The following NLRP5 variants were observed in gnomAD, a reference collection of about 807,000 sequenced individuals.
The protein encoded by NLRP5 is NLR family pyrin domain containing 5, also known as NACHT, LRR and PYD domains-containing protein 5.
In NLRP5, 93 loss-of-function variants were observed where a neutral mutation model predicts 113.1. That is an observed-to-expected ratio of 0.82 (90% CI 0.70 to 0.98). The LOEUF (loss-of-function observed/expected upper bound fraction) is 0.98. Among genes scored for constraint, NLRP5 ranks in the 50% least tolerant of loss-of-function variants. The pLI is 0.00. For synonymous variants in NLRP5, 751 were observed against 600.7 expected (o/e 1.25, Z -3.66); for missense variants, 1,808 against 1,514.3 (o/e 1.19, Z -3.22).
chr19:56,048,182 T>C (rs1363058769), intron 11 of NLRP5, among the ~76,000 whole-genome samples: 1 of 152,208 alleles, frequency 6.6e-6, no homozygotes, highest in East Asian at 1.9e-4. Context: ...TCTGTATCTT[T>C]TAAGTGGAGC....
chr19:56,025,105 G>A lies in NLRP5; in HGVS notation c.680-1808G>A, dbSNP rs375003506. Among the ~76,000 whole-genome samples the A allele has an allele frequency of 1.5e-4, 23 of 152,158 alleles. 1 individual carries two copies. Among genetic ancestry groups the A allele is most frequent in the African/African-American group, 3.9e-4 (16 of 41,512 alleles). On this transcript the variant is annotated intron_variant, in intron 6 of 14. Transcript: ENST00000390649. ...TCAGTGTCTCCATCACCCCCAGATG[G>A]GACCATCTAGTTGTAGGAAAACAAG... is the stretch of plus-strand genomic sequence containing the variant.
rs1330249112 is a variant in NLRP5, at chr19:56,004,167, A to G, written c.442+72A>G. ...TCAGGTTCTCATGGGAACAGGGAAG[A>G]ATCGTTGTTCAGTAACCGGCTCCAC... On this transcript the variant is annotated intron_variant, in intron 2 of 14. Transcript: ENST00000390649. 3.4e-6 allele frequency: 5 copies of G among 1,482,904 alleles called. No homozygotes were observed. In the Admixed American group the frequency reaches 1.1e-4, roughly 32 times the overall value. 91.9% of individuals were successfully genotyped at this position (1,482,904 alleles called of 1,614,324 possible). A position where few individuals can be genotyped will look rare whatever the true frequency, so the allele number is the denominator to read the frequency against.
At chr19:56,008,725 C>T (rs12460573) in intron 2 of NLRP5, 63 bp from the exon 3 acceptor site, 504,959 of 1,425,200 alleles carry the variant, frequency 0.35, 91,455 homozygotes, top group Admixed American at 0.38. Context: ...ACATTCTTAT[C>T]CTTGGCTTGG....
the NLRP5 span, among the ~76,000 whole-genome samples, chr19:55,989,839 C>T: frequency 0.51 from 77,268 of 151,646 alleles, 20,157 homozygotes; most frequent in African/African-American, 0.63. Context: ...GGTCTAATTG[C>T]ATTTAAAACG....
the NLRP5 span, among the ~76,000 whole-genome samples, chr19:55,992,503 A>AT: frequency 1.3e-5 from 2 of 152,090 alleles, no homozygotes; most frequent in Non-Finnish European, 2.9e-5. Flanking sequence ...TAAGCTTTCC[A>AT]TTTTTTCCTG....
At chr19:56,042,239 G>C (rs939401121) in intron 11 of NLRP5, among the ~76,000 whole-genome samples, 1 of 152,146 alleles carries the variant, frequency 6.6e-6, no homozygotes, top group East Asian at 1.9e-4. Context: ...CAATTGTGTT[G>C]ATTACTACTG....
At chr19:56,053,847 A>G (rs1181071393) in intron 13 of NLRP5, 39 bp downstream of exon 13, 3 of 1,597,400 alleles carry the variant, frequency 1.9e-6, no homozygotes, top group Non-Finnish European at 1.7e-6. Context: ...CCGGGCTGGG[A>G]GGAGGTGGGG....
rs1032693336 is a variant in NLRP5, at chr19:56,061,661, A to C, written c.*133A>C. On this transcript the variant is annotated 3_prime_UTR_variant, in exon 15 of 15. Transcript: ENST00000390649. ...GATTTCTGATTCTCACAAAGCCCTC[A>C]ATGGTAGTGATTCTTCTGTGTTCAC... 3.0e-6 allele frequency: 3 copies of C among 1,007,340 alleles called. No homozygotes were observed. The highest frequency in any genetic ancestry group is 4.5e-6 in the Non-Finnish European group (3 of 664,566). 62.4% of individuals were successfully genotyped at this position (1,007,340 alleles called of 1,614,324 possible). A position where few individuals can be genotyped will look rare whatever the true frequency, so the allele number is the denominator to read the frequency against.
chr19:56,052,350 C>A (rs1983963825), intron 12 of NLRP5, among the ~76,000 whole-genome samples: 1 of 152,112 alleles, frequency 6.6e-6, no homozygotes, highest in Non-Finnish European at 1.5e-5. Flanking sequence ...TTCCCTGCAA[C>A]CTCCACCTCC....
At chr19:56,035,197 C>A (rs1249641698) in intron 9 of NLRP5, among the ~76,000 whole-genome samples, 1 of 152,142 alleles carries the variant, frequency 6.6e-6, no homozygotes, top group Non-Finnish European at 1.5e-5. Context: ...GCTGTGCCCT[C>A]CCAAATAAAG....
chr19:56,026,364 T>C (rs1192179720), intron 6 of NLRP5, among the ~76,000 whole-genome samples: 1 of 151,360 alleles, frequency 6.6e-6, no homozygotes, highest in African/African-American at 2.4e-5. Context: ...CCGTCTCTAC[T>C]AAAAATACAG....
intron 11 of NLRP5, among the ~76,000 whole-genome samples, chr19:56,044,126 C>T (rs868721107): frequency 8.7e-5 from 13 of 150,172 alleles, no homozygotes; most frequent in East Asian, 2.0e-4. Flanking sequence ...TGCAGTGGCA[C>T]GATCTGAGCT....
chr19:55,996,975 C>T (rs1981345531), upstream of NLRP5, among the ~76,000 whole-genome samples: 1 of 152,002 alleles, frequency 6.6e-6, no homozygotes, highest in East Asian at 1.9e-4. Flanking sequence ...GTTTCTATTT[C>T]TCCACATCCT....
rs202095172 is a variant in NLRP5, at chr19:56,046,398, T to C, written c.2958-4020T>C. The stretch of plus-strand genomic sequence containing the variant: ...TCATCAAGGATATTGCTTTGTAGTT[T>C]CGTGTGTGTGTGTGTGTGTGTGTGT... On this transcript the variant is annotated intron_variant, in intron 11 of 14. Coordinates refer to ENST00000390649, the MANE Select transcript of NLRP5 (RefSeq NM_153447.4). Among the ~76,000 whole-genome samples the C allele has an allele frequency of 1.5e-3, 96 of 63,688 alleles. 1 individual carries two copies. The East Asian group carries it at 0.028, about 18-fold the overall frequency. 41.8% of individuals were successfully genotyped at this position (63,688 alleles called of 152,430 possible). A position where few individuals can be genotyped will look rare whatever the true frequency, so the allele number is the denominator to read the frequency against.
At chr19:55,992,644 C>T in the NLRP5 span, among the ~76,000 whole-genome samples, 708 of 152,248 alleles carry the variant, frequency 4.7e-3, 3 homozygotes, top group African/African-American at 0.016. Flanking sequence ...TGGAACACAG[C>T]TTTTCTCCTT....
At chr19:55,998,670 GTGTATA>G (rs1981429420), upstream of NLRP5, among the ~76,000 whole-genome samples, 1 of 66,812 alleles carries the variant, frequency 1.5e-5, no homozygotes, top group Non-Finnish European at 2.9e-5. Context: ...GTGTGTGTGT[GTGTATA>G]TATATATATA....
chr19:55,986,889 C>A, the NLRP5 span, among the ~76,000 whole-genome samples: 1 of 152,142 alleles, frequency 6.6e-6, no homozygotes, highest in African/African-American at 2.4e-5. Flanking sequence ...TTAGAACCCG[C>A]GTATTGAGCT....
chr19:56,024,513 G>GCTTA (rs754511074), intron 6 of NLRP5, among the ~76,000 whole-genome samples: 5 of 92,536 alleles, frequency 5.4e-5, no homozygotes, highest in African/African-American at 1.7e-4. Context: ...ATATGTATAT[G>GCTTA]TGTATGTATA....
At chr19:56,016,082 G>A (rs1982392144) in intron 4 of NLRP5, among the ~76,000 whole-genome samples, 1 of 152,150 alleles carries the variant, frequency 6.6e-6, no homozygotes, top group Admixed American at 6.5e-5. Context: ...ATATATTGTA[G>A]AATGATCAAA....
Sources: gnomAD v4.1 joint callset for allele counts (sites outside exome capture counted in the v4.1 genomes callset) on GRCh38, gnomAD v4.1.1 for gene constraint, MANE v1.5 for transcripts, NCBI Gene and HGNC (gene_info 2026-07-23, HGNC 2026-07-21) for gene names.